TRPC7: variants seen among roughly 807,000 people sequenced by gnomAD.
TRPC7 encodes transient receptor potential cation channel subfamily C member 7.
Under a neutral mutation model 90.1 loss-of-function variants are expected in TRPC7, and 42 were observed. The observed-to-expected ratio is 0.47, with a 90% CI of 0.36 to 0.60. The LOEUF is 0.60. Among genes scored for constraint, TRPC7 ranks in the 20% least tolerant of loss-of-function variants. The pLI is 0.00. For synonymous variants in TRPC7, 451 were observed against 436.3 expected (o/e 1.03, Z -0.42); for missense variants, 955 against 1,112.3 (o/e 0.86, Z 2.01).
intron 2 of TRPC7, among the ~76,000 whole-genome samples, chr5:136,340,444 TTAAG>T (rs1276136096): frequency 2.0e-5 from 3 of 152,130 alleles, no homozygotes; most frequent in Non-Finnish European, 4.4e-5. Flanking sequence ...AAAAAGGACT[TTAAG>T]TATTTTCACT....
intron 2 of TRPC7, among the ~76,000 whole-genome samples, chr5:136,325,600 G>A (rs1759321917): frequency 1.3e-5 from 2 of 152,184 alleles, no homozygotes. Flanking sequence ...AGGGAGGATT[G>A]AATATAGTGT....
intron 6 of TRPC7, among the ~76,000 whole-genome samples, chr5:136,250,162 A>T (rs1216890377): frequency 2.0e-5 from 3 of 152,238 alleles, no homozygotes; most frequent in Non-Finnish European, 2.9e-5. Flanking sequence ...GAATTTGCCA[A>T]ACCCCAAAAT....
At chr5:136,322,375 T>A (rs13155779) in intron 2 of TRPC7, among the ~76,000 whole-genome samples, 13,210 of 152,272 alleles carry the variant, frequency 0.087, 731 homozygotes, top group Non-Finnish European at 0.13. Flanking sequence ...GGTAAATGCC[T>A]AGGAGCGGGA....
chr5:136,328,263 G>C (rs1004154350), intron 2 of TRPC7, among the ~76,000 whole-genome samples: 2 of 152,192 alleles, frequency 1.3e-5, no homozygotes, highest in South Asian at 4.2e-4. Flanking sequence ...GGTAGAGCAG[G>C]ATAGGGCTGG....
intron 3 of TRPC7, among the ~76,000 whole-genome samples, chr5:136,299,746 T>C (rs180755146): frequency 1.5e-3 from 226 of 152,296 alleles, no homozygotes; most frequent in African/African-American, 5.3e-3. Context: ...TTGGGGAAGA[T>C]TGTAATTTCT....
At chr5:136,336,915 A>G (rs1759683911) in intron 2 of TRPC7, among the ~76,000 whole-genome samples, 1 of 152,150 alleles carries the variant, frequency 6.6e-6, no homozygotes, top group Non-Finnish European at 1.5e-5. Flanking sequence ...AGAAAGATGA[A>G]CCACAGAATG....
Position 136,301,332 on chromosome 5 carries a change from A to ATTTTT in TRPC7, c.963+14260_963+14264dup, listed in dbSNP as rs368799815. Among the ~76,000 whole-genome samples the ATTTTT allele has an allele frequency of 3.9e-4, 33 of 85,694 alleles. 2 individuals carry two copies. The East Asian group carries it at 6.1e-3, about 16-fold the overall frequency. 56.2% of individuals were successfully genotyped at this position (85,694 alleles called of 152,430 possible). A position where few individuals can be genotyped will look rare whatever the true frequency, so the allele number is the denominator to read the frequency against. On this transcript the variant is annotated intron_variant, in intron 3 of 11. Coordinates refer to ENST00000513104, the MANE Select transcript of TRPC7 (RefSeq NM_020389.3). ...TTGAGCCACTGCACCCAGCCCAGGC[A>ATTTTT]TTTTTTTTTTTTTTTTTTTTTTTTT... is the stretch of plus-strand genomic sequence containing the variant.
At chr5:136,281,021 A>G (rs967563246) in intron 3 of TRPC7, among the ~76,000 whole-genome samples, 2 of 152,202 alleles carry the variant, frequency 1.3e-5, no homozygotes, top group Admixed American at 1.3e-4. Context: ...ATTTTGAACT[A>G]TATTTACCCT....
intron 2 of TRPC7, among the ~76,000 whole-genome samples, chr5:136,339,664 AATTTTGAC>A (rs1162953866): frequency 6.6e-6 from 1 of 152,094 alleles, no homozygotes; most frequent in African/African-American, 2.4e-5. Flanking sequence ...GCATGAAGAC[AATTTTGAC>A]ATTCCTATGA....
Position 136,251,695 on chromosome 5 carries a change from C to T in TRPC7, c.1533G>A (p.Thr511=), listed in dbSNP as rs1756522951. 3.1e-6 allele frequency: 5 copies of T among 1,613,050 alleles called. No homozygotes were observed. The highest frequency in any genetic ancestry group is 4.2e-6 in the Non-Finnish European group (5 of 1,179,196). The part of the protein sequence containing the change: ...LYVDQHVQDD[T]LHNVSLPPEV... ...CCGGCGGAAGCGAGACATTGTGCAG[C>T]GTGTCGTCCTGCACGTGCTGGTCCA... Residue 511 remains threonine (T), a synonymous_variant, in exon 6 of 12, where the codon ACG becomes ACA. Transcript: ENST00000513104.
intron 2 of TRPC7, among the ~76,000 whole-genome samples, chr5:136,329,806 G>T (rs1414283380): frequency 1.3e-5 from 2 of 152,142 alleles, no homozygotes; most frequent in Non-Finnish European, 2.9e-5. Flanking sequence ...GATGCTGCTT[G>T]GTTCTCTCTC....
chr5:136,215,228 T>C (rs1180083892), intron 11 of TRPC7, among the ~76,000 whole-genome samples: 1 of 152,142 alleles, frequency 6.6e-6, no homozygotes, highest in Non-Finnish European at 1.5e-5. Flanking sequence ...AGTGTGCATC[T>C]GCTCAGTGGA....
At chr5:136,221,203 T>C (rs1010417514) in intron 10 of TRPC7, among the ~76,000 whole-genome samples, 6 of 152,100 alleles carry the variant, frequency 3.9e-5, no homozygotes, top group African/African-American at 1.2e-4. Flanking sequence ...TTCATGGAGA[T>C]AATAAGCTTT....
chr5:136,289,174 G>A (rs939302802), intron 3 of TRPC7, among the ~76,000 whole-genome samples: 1 of 152,174 alleles, frequency 6.6e-6, no homozygotes, highest in Non-Finnish European at 1.5e-5. Context: ...AAGTATTAGG[G>A]GGTGGAGCCA....
chr5:136,297,415 G>C (rs910461942), intron 3 of TRPC7, among the ~76,000 whole-genome samples: 12 of 151,930 alleles, frequency 7.9e-5, no homozygotes, highest in African/African-American at 2.9e-4. Context: ...GCATCTGATG[G>C]GTTTAGTAGG....
rs572282348 is a variant in TRPC7 at position 136,223,160 on chromosome 5, T to G, written c.2343+2114A>C. ...AGGCTTCTTCTGTGGAGTCACAAAT[T>G]ACAAAATGAGCAAAGCTTTCCAAGG... On this transcript the variant is annotated intron_variant, in intron 10 of 11. Coordinates refer to ENST00000513104, the MANE Select transcript of TRPC7 (RefSeq NM_020389.3). Among the ~76,000 whole-genome samples, 4 of 152,354 alleles carry G rather than the reference T, an allele frequency of 2.6e-5. No individual in the cohort carries two copies. The South Asian group carries it at 8.3e-4, about 32-fold the overall frequency.
intron 2 of TRPC7, among the ~76,000 whole-genome samples, chr5:136,317,693 G>C (rs922984060): frequency 6.6e-6 from 1 of 152,166 alleles, no homozygotes; most frequent in South Asian, 2.1e-4. Flanking sequence ...GTTAATGCCT[G>C]TTACCAGTAA....
chr5:136,246,799 C>G (rs984996976), intron 7 of TRPC7, among the ~76,000 whole-genome samples: 1 of 151,718 alleles, frequency 6.6e-6, no homozygotes, highest in Non-Finnish European at 1.5e-5. Flanking sequence ...ATTTTTTTTA[C>G]CACATATTGA....
At chr5:136,355,927 A>G (rs938098457) in intron 2 of TRPC7, among the ~76,000 whole-genome samples, 1 of 152,240 alleles carries the variant, frequency 6.6e-6, no homozygotes, top group African/African-American at 2.4e-5. Context: ...GCTATTGAAA[A>G]ATGCACTTTG....
Sources: allele counts gnomAD v4.1 joint callset (sites outside exome capture counted in the v4.1 genomes callset), GRCh38; gene constraint gnomAD v4.1.1; transcripts MANE v1.5; gene names NCBI Gene and HGNC (gene_info 2026-07-23, HGNC 2026-07-21).